Variants in SHISA9 observed in about 807,000 individuals in gnomAD.
SHISA9 encodes protein shisa-9.
A neutral mutation model predicts 38.0 loss-of-function variants in SHISA9; 13 were observed. The observed-to-expected ratio is 0.34, with a 90% CI of 0.22 to 0.54. The LOEUF (loss-of-function observed/expected upper bound fraction) is 0.54. SHISA9 is among the 20% of genes least tolerant of loss of function. The pLI is 0.91. For missense variants in SHISA9, 538 were observed against 575.8 expected (o/e 0.93, Z 0.67); for synonymous variants, 275 against 242.0 (o/e 1.14, Z -1.27).
chr16:13,137,715 A>G (rs951640356), intron 2 of SHISA9, among the ~76,000 whole-genome samples: 1 of 152,086 alleles, frequency 6.6e-6, no homozygotes, highest in Non-Finnish European at 1.5e-5. Flanking sequence ...CAGCCTCCCA[A>G]AGTGCTGGGA....
the SHISA9 span, among the ~76,000 whole-genome samples, chr16:13,263,347 G>C: frequency 6.6e-6 from 1 of 152,296 alleles, no homozygotes; most frequent in South Asian, 2.1e-4. Flanking sequence ...CTGGTGGGAG[G>C]AGACTGGATC....
chr16:13,064,120 G>T (rs1237882640), intron 2 of SHISA9, among the ~76,000 whole-genome samples: 1 of 152,150 alleles, frequency 6.6e-6, no homozygotes, highest in Non-Finnish European at 1.5e-5. Flanking sequence ...GCCCAGGCTG[G>T]ACTTGAACTC....
intron 2 of SHISA9, among the ~76,000 whole-genome samples, chr16:13,034,742 A>G (rs1040439642): frequency 2.0e-5 from 3 of 152,336 alleles, no homozygotes; most frequent in Admixed American, 6.5e-5. Context: ...TTCTGAGCCT[A>G]TAGCTGAAGA....
chr16:13,135,299 T>A (rs960385682), intron 2 of SHISA9, among the ~76,000 whole-genome samples: 2 of 152,224 alleles, frequency 1.3e-5, no homozygotes, highest in African/African-American at 2.4e-5. Context: ...GTTTTGGTAA[T>A]TAGAGATGCA....
the SHISA9 span, among the ~76,000 whole-genome samples, chr16:13,560,923 G>A: frequency 6.6e-6 from 1 of 152,106 alleles, no homozygotes; most frequent in Admixed American, 6.5e-5. Flanking sequence ...GAGTGCAGTG[G>A]CACAATCTCG....
chr16:13,503,804 A>G, the SHISA9 span, among the ~76,000 whole-genome samples: 2 of 152,228 alleles, frequency 1.3e-5, no homozygotes, highest in Non-Finnish European at 2.9e-5. Flanking sequence ...TGTTTTCCAC[A>G]TGTTCACAGT....
At chr16:13,191,711 T>C (rs376056520) in intron 2 of SHISA9, among the ~76,000 whole-genome samples, 6 of 152,194 alleles carry the variant, frequency 3.9e-5, no homozygotes, top group African/African-American at 1.4e-4. Context: ...TGGATCGTGC[T>C]GTCTGTGGAG....
chr16:13,471,035 G>A, the SHISA9 span, among the ~76,000 whole-genome samples: 2 of 151,974 alleles, frequency 1.3e-5, no homozygotes. Flanking sequence ...TGGACAACTG[G>A]GGTTCAGTCT....
chr16:13,375,705 TAAGAA>T, the SHISA9 span, among the ~76,000 whole-genome samples: 1 of 151,952 alleles, frequency 6.6e-6, no homozygotes, highest in African/African-American at 2.4e-5. Context: ...CTTAAGAAAT[TAAGAA>T]AAGAAGCCTA....
intron 1 of SHISA9, among the ~76,000 whole-genome samples, chr16:12,906,621 A>C (rs1389638135): frequency 6.6e-6 from 1 of 152,228 alleles, no homozygotes; most frequent in Non-Finnish European, 1.5e-5. Context: ...TTGATCTGCA[A>C]GGTATTTCTA....
intron 2 of SHISA9, among the ~76,000 whole-genome samples, chr16:12,942,806 C>A (rs911681986): frequency 6.6e-6 from 1 of 152,032 alleles, no homozygotes; most frequent in African/African-American, 2.4e-5. Context: ...TGTAGTATGC[C>A]GTAGTCTTTT....
chr16:13,139,991 C>G (rs1459744995), intron 2 of SHISA9, among the ~76,000 whole-genome samples: 1 of 152,068 alleles, frequency 6.6e-6, no homozygotes, highest in East Asian at 1.9e-4. Flanking sequence ...TGGCTTTATG[C>G]TTTGGCTTTT....
chr16:13,446,925 A>G, the SHISA9 span, among the ~76,000 whole-genome samples: 1 of 151,774 alleles, frequency 6.6e-6, no homozygotes, highest in East Asian at 1.9e-4. Context: ...GGTTGTGGTG[A>G]ACCGAGATCT....
At chr16:13,305,342 C>T in the SHISA9 span, among the ~76,000 whole-genome samples, 4 of 152,136 alleles carry the variant, frequency 2.6e-5, no homozygotes, top group Non-Finnish European at 5.9e-5. Flanking sequence ...ATTAGTGATG[C>T]TCAATTTTCC....
At chr16:13,116,883 G>A (rs539308374) in intron 2 of SHISA9, among the ~76,000 whole-genome samples, 95 of 152,266 alleles carry the variant, frequency 6.2e-4, no homozygotes, top group African/African-American at 2.2e-3. Flanking sequence ...ATTAATATAG[G>A]TTAGGGCCTT....
At chr16:13,245,103 G>C (rs762597772), downstream of SHISA9, among the ~76,000 whole-genome samples, 2 of 152,032 alleles carry the variant, frequency 1.3e-5, no homozygotes, top group Non-Finnish European at 2.9e-5. Flanking sequence ...TTTTTGTAGA[G>C]ATGGGCATTC....
chr16:13,448,188 T>A, the SHISA9 span, among the ~76,000 whole-genome samples: 2 of 152,210 alleles, frequency 1.3e-5, no homozygotes, highest in Non-Finnish European at 2.9e-5. Context: ...AGAAAAATTT[T>A]CATTGGAGTG....
chr16:13,020,543 AC>A (rs2072839777), intron 2 of SHISA9, among the ~76,000 whole-genome samples: 1 of 152,036 alleles, frequency 6.6e-6, no homozygotes, highest in East Asian at 1.9e-4. Context: ...TTGGATTCGT[AC>A]CTCATTTAAC....
intron 2 of SHISA9, among the ~76,000 whole-genome samples, chr16:13,068,877 G>A (rs2073467353): frequency 6.6e-6 from 1 of 152,048 alleles, no homozygotes; most frequent in Admixed American, 6.5e-5. Context: ...GTGTGTATGT[G>A]TATTCATGTG....
Sources: gnomAD v4.1 joint callset for allele counts (sites outside exome capture counted in the v4.1 genomes callset) on GRCh38, gnomAD v4.1.1 for gene constraint, MANE v1.5 for transcripts, NCBI Gene and HGNC (gene_info 2026-07-23, HGNC 2026-07-21) for gene names.